Variants in IGSF11 observed in about 807,000 individuals in gnomAD.
The protein encoded by IGSF11 is CXADR like 1.
Under a neutral mutation model 41.0 loss-of-function variants are expected in IGSF11, and 22 were observed. The observed-to-expected ratio is 0.54, with a 90% CI of 0.38 to 0.77. The LOEUF is 0.77. Among genes scored for constraint, IGSF11 ranks in the 30% least tolerant of loss-of-function variants. The pLI, the probability that IGSF11 is intolerant of heterozygous loss-of-function variation, is 0.00. For missense variants in IGSF11, 444 were observed against 530.8 expected, an observed-to-expected ratio of 0.84 and a Z score of 1.61; for synonymous variants, 219 against 201.3, an observed-to-expected ratio of 1.09 and a Z score of -0.74.
chr3:119,106,922 A>G (rs540374079), upstream of IGSF11, among the ~76,000 whole-genome samples: 1 of 152,142 alleles, frequency 6.6e-6, no homozygotes, highest in Non-Finnish European at 1.5e-5. Context: ...TGAACTCATC[A>G]TTTTTTATGG....
At chr3:119,066,116 C>T (rs1559847332) in intron 1 of IGSF11, among the ~76,000 whole-genome samples, 1 of 152,058 alleles carries the variant, frequency 6.6e-6, no homozygotes, top group Non-Finnish European at 1.5e-5. Context: ...ATAACTAATG[C>T]AAGTAACTGT....
chr3:119,003,996 T>C (rs536168224), intron 1 of IGSF11, among the ~76,000 whole-genome samples: 1 of 152,136 alleles, frequency 6.6e-6, no homozygotes, highest in South Asian at 2.1e-4. Flanking sequence ...TTAGGGAGGA[T>C]TCCCTCTTTT....
chr3:118,900,960 A>C lies in IGSF11; in HGVS notation c.*1560T>G, dbSNP rs1392683273. 6.6e-6 allele frequency: 1 copy of C among 152,598 alleles called. No homozygotes were observed. The highest frequency in any genetic ancestry group is 2.4e-5 in the African/African-American group (1 of 41,442). The allele number at this position is 152,598 out of a possible 1,614,324, so 9.5% of individuals were successfully genotyped here. On this transcript the variant is annotated 3_prime_UTR_variant, in exon 7 of 7. Coordinates refer to ENST00000393775, the MANE Select transcript of IGSF11 (RefSeq NM_001015887.3). ...TTCCATTCATTCACATAACTGAAAA[A>C]AATGTCAGGAAGCCACTCCCTGTGA...
chr3:118,998,776 C>T (rs936537662), intron 1 of IGSF11, among the ~76,000 whole-genome samples: 2 of 152,082 alleles, frequency 1.3e-5, no homozygotes, highest in Non-Finnish European at 2.9e-5. Flanking sequence ...TTAATCTACG[C>T]TCATTCCCAA....
At chr3:118,935,351 C>T (rs1330590483) in intron 1 of IGSF11, among the ~76,000 whole-genome samples, 3 of 132,610 alleles carry the variant, frequency 2.3e-5, no homozygotes, top group East Asian at 2.2e-4. Context: ...TATATATATA[C>T]ATGTATATAC....
At chr3:118,964,390 G>C (rs1182136598) in intron 1 of IGSF11, among the ~76,000 whole-genome samples, 1 of 152,102 alleles carries the variant, frequency 6.6e-6, no homozygotes, top group Non-Finnish European at 1.5e-5. Flanking sequence ...AATGGGCAGA[G>C]CTAAAGAGGG....
At chr3:119,021,812 A>G (rs1474761687) in intron 1 of IGSF11, among the ~76,000 whole-genome samples, 3 of 152,192 alleles carry the variant, frequency 2.0e-5, no homozygotes, top group Admixed American at 2.0e-4. Context: ...TGCTAGTAAA[A>G]GAGAAAAAAA....
upstream of IGSF11, among the ~76,000 whole-genome samples, chr3:119,038,929 T>A (rs1034770578): frequency 1.3e-5 from 2 of 152,212 alleles, no homozygotes; most frequent in Non-Finnish European, 1.5e-5. Flanking sequence ...TATATATTTT[T>A]ATAATCTTAA....
intron 1 of IGSF11, among the ~76,000 whole-genome samples, chr3:119,046,130 C>A (rs994455480): frequency 2.0e-5 from 3 of 151,038 alleles, no homozygotes; most frequent in Non-Finnish European, 2.9e-5. Context: ...AGCAACGGAA[C>A]AAAGCTGGAT....
chr3:118,995,802 G>A (rs1192705216), intron 1 of IGSF11, among the ~76,000 whole-genome samples: 9 of 152,108 alleles, frequency 5.9e-5, no homozygotes, highest in Middle Eastern at 3.4e-3. Flanking sequence ...ACAGGTGCCC[G>A]CCACCACGCC....
chr3:118,994,467 G>A (rs542229666), intron 1 of IGSF11, among the ~76,000 whole-genome samples: 3 of 152,170 alleles, frequency 2.0e-5, no homozygotes, highest in East Asian at 3.9e-4. Flanking sequence ...GACCAGCTGG[G>A]GCAACATAGT....
At chr3:119,036,374 A>G (rs1029736658), upstream of IGSF11, among the ~76,000 whole-genome samples, 4 of 152,096 alleles carry the variant, frequency 2.6e-5, no homozygotes, top group African/African-American at 9.7e-5. Context: ...TTTCCATCCA[A>G]TTCAATCCCT....
intron 1 of IGSF11, among the ~76,000 whole-genome samples, chr3:119,053,369 C>T (rs146354558): frequency 0.015 from 2,286 of 152,138 alleles, 69 homozygotes; most frequent in African/African-American, 0.051. Flanking sequence ...ACACCAACAG[C>T]GACCAAGCTG....
chr3:119,093,299 T>C (rs1212782672), intron 1 of IGSF11, among the ~76,000 whole-genome samples: 1 of 152,172 alleles, frequency 6.6e-6, no homozygotes, highest in East Asian at 1.9e-4. Context: ...GGGATTACAC[T>C]GCATCAGCTT....
chr3:118,917,867 T>C (rs1251702922), intron 4 of IGSF11, among the ~76,000 whole-genome samples: 9 of 143,728 alleles, frequency 6.3e-5, no homozygotes, highest in South Asian at 2.4e-4. Flanking sequence ...AATAAAATAC[T>C]GGCAAACCGA....
chr3:118,928,716 C>T lies in IGSF11; in HGVS notation c.217G>A (p.Val73Ile). The T allele has an allele frequency of 1.9e-6, 3 of 1,611,856 alleles. No individual in the cohort carries two copies. The highest frequency in any genetic ancestry group is 2.5e-6 in the Non-Finnish European group (3 of 1,178,760). ...ATCTGTCCACCCTGATACAGGATGA[C>T]CTGGAAAAGAAAGCAAAATAAATAA... ...PLSNANQPEQ[V>I]ILYQGGQMFD... The change falls in exon 3 of 7, where the codon GTC (valine) becomes ATC (isoleucine). Residue 73 changes from valine to isoleucine, a missense_variant and splice_region_variant. Around this residue, in one of 3 missense-constraint regions of IGSF11, gnomAD observed 193 missense variants for 283.5 expected, o/e 0.68. Coordinates refer to ENST00000393775, the MANE Select transcript of IGSF11 (RefSeq NM_001015887.3).
At chr3:119,112,635 A>T (rs1050179177) in intron 1 of IGSF11, 7 of 153,678 alleles carry the variant, frequency 4.6e-5, no homozygotes, top group African/African-American at 1.7e-4. Flanking sequence ...CTCCCTAGTA[A>T]GATGAACCCA....
intron 1 of IGSF11, among the ~76,000 whole-genome samples, chr3:119,069,876 A>G (rs2076367804): frequency 6.6e-6 from 1 of 152,116 alleles, no homozygotes; most frequent in Admixed American, 6.5e-5. Context: ...ACTGAGACCT[A>G]TTTCTTCCCA....
intron 1 of IGSF11, among the ~76,000 whole-genome samples, chr3:119,132,547 A>G (rs1403643724): frequency 6.6e-6 from 1 of 152,180 alleles, no homozygotes; most frequent in African/African-American, 2.4e-5. Flanking sequence ...TATGCACCCA[A>G]TATGGGAGCA....
Sources: allele counts gnomAD v4.1 joint callset (sites outside exome capture counted in the v4.1 genomes callset), GRCh38; gene constraint gnomAD v4.1.1; regional missense constraint gnomAD v4.1.1; transcripts MANE v1.5; gene names NCBI Gene and HGNC (gene_info 2026-07-23, HGNC 2026-07-21).